The following TCTN2 variants were observed in gnomAD, a reference collection of about 807,000 sequenced individuals.
TCTN2 encodes the protein tectonic-2.
In TCTN2, 66 loss-of-function variants were observed where a neutral mutation model predicts 83.4. The observed-to-expected ratio is 0.79, with a 90% CI of 0.65 to 0.97. TCTN2 has a LOEUF of 0.97. Among genes scored for constraint, TCTN2 ranks in the 50% least tolerant of loss-of-function variants. The pLI, the probability that TCTN2 is intolerant of heterozygous loss-of-function variation, is 0.00. For synonymous variants in TCTN2, 301 were observed against 326.7 expected (o/e 0.92, Z 0.85); for missense variants, 794 against 858.1 (o/e 0.93, Z 0.93).
Position 123,707,605 on chromosome 12 carries a change from G to A in TCTN2, c.1986G>A (p.Gly662=), listed in dbSNP as rs1202070543. 1 of 1,613,938 alleles carries A rather than the reference G, an allele frequency of 6.2e-7. No individual in the cohort carries two copies. The highest frequency in any genetic ancestry group is 1.1e-5 in the South Asian group (1 of 91,074). ...TGAATTTTGTCCATTGTTTTTCAGG[G>A]GAGCTGCATTCTCAGTGTGTTGCTA... is the stretch of plus-strand genomic sequence containing the variant. ...LLYPWTQYYQ[G]ELHSQCVAKG... is the part of the protein sequence containing the mutation. Residue 662 remains glycine (G), a splice_region_variant and synonymous_variant, in exon 18 of 18, where the codon GGG becomes GGA. Transcript: ENST00000303372.
rs184881442 is a variant in TCTN2 at position 123,696,367 on chromosome 12, G to T, written c.1313-48G>T. On this transcript the variant is annotated intron_variant, in intron 11 of 17. Transcript: ENST00000303372. ...TGTATTATTTGCAGAGTTAGGGCTT[G>T]CTATGCTGGAGGAAACAGGCTCACG... 442 of 1,464,670 alleles carry T rather than the reference G, an allele frequency of 3.0e-4. 1 individual carries two copies. In the Middle Eastern group the frequency reaches 3.5e-3, roughly 11 times the overall value. 90.7% of individuals were successfully genotyped at this position (1,464,670 alleles called of 1,614,324 possible).
chr12:123,678,849 GT>G (rs999159456), intron 4 of TCTN2, among the ~76,000 whole-genome samples: 1 of 151,854 alleles, frequency 6.6e-6, no homozygotes, highest in African/African-American at 2.4e-5. Context: ...CCAGGTTGGA[GT>G]ATAGTGGCAC....
chr12:123,696,614 A>AG (rs1956112784), intron 12 of TCTN2, 119 bp downstream of exon 12: 1 of 887,408 alleles, frequency 1.1e-6, no homozygotes, highest in African/African-American at 1.7e-5. Flanking sequence ...TATTTAGCAG[A>AG]GAGGTACATG....
rs1379449290 is a variant in TCTN2 at position 123,707,163 on chromosome 12, A to T, written c.1984+90A>T. On this transcript the variant is annotated intron_variant, in intron 17 of 17. Coordinates refer to ENST00000303372, the MANE Select transcript of TCTN2 (RefSeq NM_024809.5). ...TGTCTAAATGTTACAGAAAGCATAA[A>T]ACATATAGAAACTTAAAAAAAAGTA... is the stretch of plus-strand genomic sequence containing the variant. 4 of 1,061,990 alleles carry T rather than the reference A, an allele frequency of 3.8e-6. No homozygotes were observed. The East Asian group carries it at 1.0e-4, about 27-fold the overall frequency. 65.8% of individuals were successfully genotyped at this position (1,061,990 alleles called of 1,614,324 possible).
At chr12:123,678,803 CTT>C (rs142489839) in intron 4 of TCTN2, among the ~76,000 whole-genome samples, 4 of 143,380 alleles carry the variant, frequency 2.8e-5, no homozygotes, top group Non-Finnish European at 1.5e-5. Context: ...ATTCAGCTTG[CTT>C]TTTTTTTTTT....
intron 3 of TCTN2, among the ~76,000 whole-genome samples, 154 bp from the exon 4 acceptor site, chr12:123,673,461 G>C (rs1262242365): frequency 6.6e-6 from 1 of 152,178 alleles, no homozygotes; most frequent in South Asian, 2.1e-4. Flanking sequence ...AGGTTTATGG[G>C]GGGGAACTGA....
chr12:123,691,589 G>C (rs1593852880), intron 8 of TCTN2, among the ~76,000 whole-genome samples: 1 of 152,146 alleles, frequency 6.6e-6, no homozygotes, highest in African/African-American at 2.4e-5. Flanking sequence ...TGACTGTTGT[G>C]AATAGTGCTG....
intron 14 of TCTN2, among the ~76,000 whole-genome samples, chr12:123,701,957 T>G (rs527482420): frequency 2.4e-4 from 37 of 152,288 alleles, no homozygotes; most frequent in African/African-American, 6.0e-4. Flanking sequence ...ATTTCACCTC[T>G]GAATCCAAAA....
rs201382614 is a variant in TCTN2, at chr12:123,694,981, C to G, written c.1234+5C>G. The G allele has an allele frequency of 1.5e-5, 24 of 1,613,092 alleles. No homozygotes were observed. The Admixed American group carries it at 3.0e-4, about 20-fold the overall frequency. ...AGATTAATGCCCACCAGAAAGGTAACTTTGATGAGGGTAGCAAGCATGCTT... is the reference window on the plus strand; with the variant it reads ...AGATTAATGCCCACCAGAAAGGTAAGTTTGATGAGGGTAGCAAGCATGCTT... On this transcript the variant is annotated splice_donor_5th_base_variant and intron_variant, in intron 10 of 17. Transcript: ENST00000303372.
At chr12:123,674,009 AAAAC>A (rs2135816915) in intron 4 of TCTN2, among the ~76,000 whole-genome samples, 199 bp downstream of exon 4, 1 of 152,306 alleles carries the variant, frequency 6.6e-6, no homozygotes, top group Admixed American at 6.5e-5. Context: ...AAAAAAACCA[AAAAC>A]AAAAACAAAA....
At chr12:123,699,645 AATG>A in intron 13 of TCTN2, 56 bp from the exon 14 acceptor site, 1 of 1,376,818 alleles carries the variant, frequency 7.3e-7, no homozygotes, top group Non-Finnish European at 1.0e-6. Flanking sequence ...ATTCACTGGA[AATG>A]ACTTTAGGAC....
chr12:123,680,760 G>A (rs1002524871), intron 5 of TCTN2, among the ~76,000 whole-genome samples: 2 of 150,954 alleles, frequency 1.3e-5, no homozygotes, highest in South Asian at 4.2e-4. Flanking sequence ...CAGGTGATCT[G>A]CCTACCTCGG....
At chr12:123,686,699 T>G in intron 5 of TCTN2, 137 bp from the exon 6 acceptor site, 1 of 840,332 alleles carries the variant, frequency 1.2e-6, no homozygotes, top group East Asian at 2.6e-5. Context: ...AAGGCACTTT[T>G]AGATGAGACA....
intron 15 of TCTN2, 97 bp from the exon 16 acceptor site, chr12:123,706,629 A>C (rs1956232601): frequency 6.3e-7 from 1 of 1,588,080 alleles, no homozygotes; most frequent in African/African-American, 1.3e-5. Context: ...TCTTAGGAGA[A>C]CCTCAGGTTA....
chr12:123,693,530 A>G (rs561921596), intron 9 of TCTN2, among the ~76,000 whole-genome samples: 1 of 142,336 alleles, frequency 7.0e-6, no homozygotes, highest in African/African-American at 2.6e-5. Flanking sequence ...TTGGCTCACT[A>G]TAACCTCCAC....
At chr12:123,689,958 A>G (rs1363927944) in intron 7 of TCTN2, among the ~76,000 whole-genome samples, 1 of 151,776 alleles carries the variant, frequency 6.6e-6, no homozygotes. Flanking sequence ...ATGCCATTAT[A>G]CCCGGTTAAT....
intron 4 of TCTN2, 108 bp from the exon 5 acceptor site, chr12:123,679,081 G>A: frequency 1.0e-6 from 1 of 983,396 alleles, no homozygotes; most frequent in Non-Finnish European, 1.6e-6. Context: ...ACAGGCGTGA[G>A]CCACCGCGCC....
chr12:123,682,748 C>T (rs1290922388), intron 5 of TCTN2, among the ~76,000 whole-genome samples: 6 of 151,990 alleles, frequency 3.9e-5, no homozygotes, highest in African/African-American at 1.4e-4. Context: ...TCCCAAAATG[C>T]TGGGATTAGA....
Position 123,673,694 on chromosome 12 carries a change from C to A in TCTN2, c.347C>A (p.Ser116Tyr), listed in dbSNP as rs368334136. ...AATGAGACAGATTCCTTCTCAGAGT[C>A]CCCCTGTATCCTCCAGACCCTTCTG... ...SSNETDSFSE[S>Y]PCILQTLLVS... Residue 116 changes from serine (S) to tyrosine (Y), a missense_variant, in exon 4 of 18, where the codon TCC (serine) becomes TAC (tyrosine). Physicochemically the swap from Ser to Tyr is moderately radical, Grantham distance 144. Transcript: ENST00000303372. 17 of 1,614,024 alleles carry A rather than the reference C, an allele frequency of 1.1e-5. No homozygotes were observed. In the Admixed American group the frequency reaches 2.7e-4, roughly 25 times the overall value.
Sources: gnomAD v4.1 joint callset for allele counts (sites outside exome capture counted in the v4.1 genomes callset) on GRCh38, gnomAD v4.1.1 for gene constraint, MANE v1.5 for transcripts, NCBI Gene and HGNC (gene_info 2026-07-23, HGNC 2026-07-21) for gene names.